Variants in STK17A observed in about 807,000 individuals in gnomAD.
STK17A encodes serine/threonine kinase 17a, also known as serine/threonine-protein kinase 17A.
In STK17A, 26 loss-of-function variants were observed where a neutral mutation model predicts 43.7. That is an observed-to-expected ratio of 0.60 (90% CI 0.44 to 0.83). STK17A has a LOEUF of 0.83. Among genes scored for constraint, STK17A ranks in the 40% least tolerant of loss-of-function variants. The probability of loss-of-function intolerance (pLI) is 0.00; values close to 1 mark genes in which losing one functional copy is unlikely to be tolerated. For synonymous variants in STK17A, 191 were observed against 182.5 expected (o/e 1.05, Z -0.38); for missense variants, 476 against 511.6 (o/e 0.93, Z 0.67).
Position 43,624,949 on chromosome 7 carries a change from A to T in STK17A, c.*107A>T, listed in dbSNP as rs138391954. The T allele has an allele frequency of 2.9e-5, 29 of 991,668 alleles. No homozygotes were observed. Among genetic ancestry groups the T allele is most frequent in the African/African-American group, 1.0e-4 (6 of 60,120 alleles). The allele number at this position is 991,668 out of a possible 1,614,324, so 61.4% of individuals were successfully genotyped here. Reference sequence around the variant, plus strand: ...GTACTGGAAGTGGATAACCAGTATCACTTACACAAACAAAAATAACTTTGT... The same window carrying T: ...GTACTGGAAGTGGATAACCAGTATCTCTTACACAAACAAAAATAACTTTGT... On this transcript the variant is annotated 3_prime_UTR_variant, in exon 7 of 7. Transcript: ENST00000319357.
chr7:43,591,551 A>G (rs1040666402), intron 1 of STK17A, among the ~76,000 whole-genome samples: 7 of 151,580 alleles, frequency 4.6e-5, no homozygotes, highest in African/African-American at 1.7e-4. Context: ...GAATAAATCT[A>G]GAACTGTGAG....
At chr7:43,607,563 C>T (rs958864906) in intron 2 of STK17A, among the ~76,000 whole-genome samples, 1 of 144,780 alleles carries the variant, frequency 6.9e-6, no homozygotes, top group Admixed American at 7.4e-5. Context: ...GCAGGAGAAT[C>T]GATTGAACCC....
intron 3 of STK17A, among the ~76,000 whole-genome samples, chr7:43,615,330 C>T (rs1156925726): frequency 6.6e-6 from 1 of 151,920 alleles, no homozygotes; most frequent in Admixed American, 6.5e-5. Flanking sequence ...TGTACACCAC[C>T]ATGCCTGGCT....
rs1265361951 is a variant in STK17A at position 43,625,813 on chromosome 7, TTTC to T, written c.*974_*976del. 4 of 151,872 alleles carry T rather than the reference TTTC, an allele frequency of 2.6e-5. No individual in the cohort carries two copies. Among genetic ancestry groups the T allele is most frequent in the African/African-American group, 4.8e-5 (2 of 41,352 alleles). 9.4% of individuals were successfully genotyped at this position (151,872 alleles called of 1,614,324 possible). A position where few individuals can be genotyped will look rare whatever the true frequency, so the allele number is the denominator to read the frequency against. ...CCAACCACAGCCTGTTTCTGCTGAG[TTTC>T]TTATCAGCCCTCAAGCTATGCTAGG... On this transcript the variant is annotated 3_prime_UTR_variant, in exon 7 of 7. Transcript: ENST00000319357.
intron 1 of STK17A, among the ~76,000 whole-genome samples, chr7:43,587,158 T>G (rs1357935204): frequency 2.1e-5 from 3 of 141,598 alleles, no homozygotes; most frequent in Non-Finnish European, 4.8e-5. Context: ...TTTTTTGTTT[T>G]TTTTTTTTTT....
intron 1 of STK17A, among the ~76,000 whole-genome samples, chr7:43,586,475 C>T (rs1037892845): frequency 6.6e-6 from 1 of 151,320 alleles, no homozygotes; most frequent in Non-Finnish European, 1.5e-5. Context: ...TCTTTTATTG[C>T]TTGAAGCTTG....
intron 1 of STK17A, among the ~76,000 whole-genome samples, chr7:43,585,757 A>G (rs1195672352): frequency 3.3e-5 from 5 of 151,598 alleles, no homozygotes; most frequent in African/African-American, 9.7e-5. Context: ...AGAATTAAGT[A>G]AAACACATAG....
intron 1 of STK17A, among the ~76,000 whole-genome samples, chr7:43,587,232 G>A (rs2082449733): frequency 7.6e-6 from 1 of 131,710 alleles, no homozygotes. Context: ...TCAGCTCACC[G>A]CAAGACCCGC....
At chr7:43,620,673 C>A (rs370421182) in intron 4 of STK17A, among the ~76,000 whole-genome samples, 468 of 130,992 alleles carry the variant, frequency 3.6e-3, no homozygotes, top group Non-Finnish European at 4.0e-3. Flanking sequence ...GACTCCGTCT[C>A]AAAAAAAAAA....
rs202031785 is a variant in STK17A, at chr7:43,587,147, G to GTTTTTTT, written c.206+3704_206+3705insTTTTTTT. Among the ~76,000 whole-genome samples the GTTTTTTT allele has an allele frequency of 3.7e-4, 42 of 113,456 alleles. 1 individual carries two copies. Among genetic ancestry groups the GTTTTTTT allele is most frequent in the Admixed American group, 6.9e-4 (7 of 10,098 alleles). 74.4% of individuals were successfully genotyped at this position (113,456 alleles called of 152,430 possible). A position where few individuals can be genotyped will look rare whatever the true frequency, so the allele number is the denominator to read the frequency against. On this transcript the variant is annotated intron_variant, in intron 1 of 6. Coordinates refer to ENST00000319357, the MANE Select transcript of STK17A (RefSeq NM_004760.3). ...TTTAATGAAATGATATGTTTTTATT[G>GTTTTTTT]TTTTTTGTTTTTTTTTTTTTTTTTT...
chr7:43,621,589 T>G (rs1244370957), intron 4 of STK17A, among the ~76,000 whole-genome samples: 1 of 152,174 alleles, frequency 6.6e-6, no homozygotes, highest in Non-Finnish European at 1.5e-5. Flanking sequence ...TGCCTCAGCC[T>G]CCCGAGTAGC....
chr7:43,596,867 CA>C (rs34131847), intron 2 of STK17A, among the ~76,000 whole-genome samples: 35,252 of 106,270 alleles, frequency 0.33, 3,723 homozygotes, highest in East Asian at 0.5. Context: ...GACTCCATCT[CA>C]AAAAAAAAAA....
chr7:43,617,039 C>T lies in STK17A; in HGVS notation c.565-2558C>T, dbSNP rs570388640. On this transcript the variant is annotated intron_variant, in intron 3 of 6. Transcript: ENST00000319357. ...CTAGGCAAAGAAGAACAGAAAAAAG[C>T]GTTCTAGACTGAGGGAATACCATAT... 2.6e-5 allele frequency among the ~76,000 whole-genome samples: 4 copies of T among 152,284 alleles called. No homozygotes were observed. In the East Asian group the frequency reaches 5.8e-4, roughly 22 times the overall value.
chr7:43,610,392 G>A (rs6968645), intron 3 of STK17A, among the ~76,000 whole-genome samples: 25,911 of 146,886 alleles, frequency 0.18, 2,711 homozygotes, highest in East Asian at 0.33. Flanking sequence ...ATGGCCAGGT[G>A]TGGTGGCTCA....
At chr7:43,607,165 T>C (rs2082606213) in intron 2 of STK17A, among the ~76,000 whole-genome samples, 2 of 151,896 alleles carry the variant, frequency 1.3e-5, no homozygotes, top group South Asian at 4.2e-4. Flanking sequence ...TCAGGTGATC[T>C]GCCTGCCTCA....
chr7:43,589,600 A>G (rs1731241978), intron 1 of STK17A, among the ~76,000 whole-genome samples: 1 of 152,178 alleles, frequency 6.6e-6, no homozygotes. Flanking sequence ...CACATTACAC[A>G]GTACTATAAC....
chr7:43,588,110 C>T (rs2082455485), intron 1 of STK17A, among the ~76,000 whole-genome samples: 2 of 151,450 alleles, frequency 1.3e-5, no homozygotes, highest in African/African-American at 2.4e-5. Context: ...AGAATTTACA[C>T]ATTATGTAGA....
chr7:43,620,917 A>T (rs1280861254), intron 4 of STK17A, among the ~76,000 whole-genome samples: 1 of 152,100 alleles, frequency 6.6e-6, no homozygotes, highest in East Asian at 1.9e-4. Context: ...GGCCTGAGGG[A>T]AGACTCTGTG....
At chr7:43,617,369 T>G (rs919526505) in intron 3 of STK17A, among the ~76,000 whole-genome samples, 1 of 152,204 alleles carries the variant, frequency 6.6e-6, no homozygotes, top group Non-Finnish European at 1.5e-5. Context: ...GCCATTGCAA[T>G]AGAGCAAGAA....
Sources: gnomAD v4.1 joint callset for allele counts (sites outside exome capture counted in the v4.1 genomes callset) on GRCh38, gnomAD v4.1.1 for gene constraint, MANE v1.5 for transcripts, NCBI Gene and HGNC (gene_info 2026-07-23, HGNC 2026-07-21) for gene names.